Variants in SLC26A1 observed in about 807,000 individuals in gnomAD.
SLC26A1 encodes solute carrier family 26 member 1, also known as sulfate anion transporter 1.
SLC26A1 carries 18 observed loss-of-function variants against 14.5 expected under a neutral mutation model. That is an observed-to-expected ratio of 1.24 (90% CI 0.86 to 1.84). The LOEUF (loss-of-function observed/expected upper bound fraction) is 1.84. Among genes scored for constraint, SLC26A1 ranks in the 40% most tolerant of loss-of-function variants. The probability of loss-of-function intolerance (pLI) is 0.00; values close to 1 mark genes in which losing one functional copy is unlikely to be tolerated. For synonymous variants in SLC26A1, 505 were observed against 492.0 expected (o/e 1.03, Z -0.35); for missense variants, 1,049 against 1,020.0 (o/e 1.03, Z -0.39).
chr4:982,039 T>A lies in SLC26A1; in HGVS notation c.577-2535A>T, dbSNP rs538014974. On this transcript the variant is annotated intron_variant, in intron 2 of 2. Coordinates refer to the SLC26A1 transcript ENST00000398520. Reference sequence around the variant, plus strand: ...TTTCACCGTGTTAGCCAGGATGGTCTCTATCTCCTGACCTCATGATCCGCC... The same window carrying A: ...TTTCACCGTGTTAGCCAGGATGGTCACTATCTCCTGACCTCATGATCCGCC... Among the ~76,000 whole-genome samples, 4 of 152,222 alleles carry A rather than the reference T, an allele frequency of 2.6e-5. No individual in the cohort carries two copies. The South Asian group carries it at 8.3e-4, about 32-fold the overall frequency.
Position 989,748 on chromosome 4 carries a change from G to A in SLC26A1, c.1191C>T (p.Ala397=), listed in dbSNP as rs748168266. The change falls in exon 3 of 3, where the codon GCC becomes GCT. Residue 397 remains alanine, a synonymous_variant. Coordinates refer to ENST00000398516, the MANE Select transcript of SLC26A1 (RefSeq NM_022042.4). ...TCTTCACCAGGCTCTTGGCCAGGGC[G>A]GCGCTGGTGGCGAAGCAGTGGAGGA... ...PAFLHCFATS[A]ALAKSLVKTA... 1.3e-5 allele frequency: 21 copies of A among 1,556,272 alleles called. No individual in the cohort carries two copies. In the South Asian group the frequency reaches 1.8e-4, roughly 13 times the overall value.
downstream of SLC26A1, chr4:987,225 G>A (rs1713799895): frequency 6.7e-7 from 1 of 1,502,466 alleles, no homozygotes; most frequent in Non-Finnish European, 8.8e-7. Flanking sequence ...GGCGCTTCTG[G>A]AGGAGCACAG....
rs773560134 is a variant in SLC26A1, at chr4:989,345, C to T, written c.1594G>A (p.Val532Ile). Residue 532 changes from valine (V) to isoleucine (I), a missense_variant, in exon 3 of 3, where the codon GTC (valine) becomes ATC (isoleucine). Val to Ile is a conservative substitution (Grantham distance 29). Coordinates refer to ENST00000398516, the MANE Select transcript of SLC26A1 (RefSeq NM_022042.4). ...YEDATEFEGL[V>I]PEPGVRVFRF... ...AACACCCGCACGCCGGGCTCAGGGACGAGGCCCTCGAACTCTGTGGCATCC... is the reference window on the plus strand; with the variant it reads ...AACACCCGCACGCCGGGCTCAGGGATGAGGCCCTCGAACTCTGTGGCATCC... 3.9e-5 allele frequency: 62 copies of T among 1,599,660 alleles called. No homozygotes were observed. Among genetic ancestry groups the T allele is most frequent in the East Asian group, 1.8e-4 (8 of 44,142 alleles).
chr4:992,147 A>G, intron 1 of SLC26A1: 1 of 473,826 alleles, frequency 2.1e-6, no homozygotes, highest in Non-Finnish European at 4.2e-6. Context: ...ACATGTGCCT[A>G]CCGTCAGAAT....
rs889471204 is a variant in SLC26A1, at chr4:980,571, A to G, written c.577-1067T>C. ...ACTGCACTCCAGCCTGGGCAACAAG[A>G]GCGAAACTCCATCTCAAAAAAAAAA... On this transcript the variant is annotated intron_variant, in intron 2 of 2. Coordinates refer to the SLC26A1 transcript ENST00000398520. Among the ~76,000 whole-genome samples the G allele has an allele frequency of 2.7e-5, 4 of 148,056 alleles. No homozygotes were observed. In the Admixed American group the frequency reaches 2.7e-4, roughly 10 times the overall value.
downstream of SLC26A1, chr4:987,303 G>T (rs1713809641): frequency 2.1e-6 from 3 of 1,431,852 alleles, no homozygotes; most frequent in Admixed American, 4.1e-5. Context: ...GGCGCCCCCT[G>T]ACTGCGCACT....
downstream of SLC26A1, chr4:987,394 G>C (rs1313251980): frequency 4.7e-6 from 4 of 852,466 alleles, no homozygotes; most frequent in Non-Finnish European, 6.8e-6. Context: ...TTGTGGGTGG[G>C]TCCTCCACCT....
exon 3 of SLC26A1, chr4:979,485 C>G: frequency 6.2e-7 from 1 of 1,613,912 alleles, no homozygotes; most frequent in Non-Finnish European, 8.5e-7. Context: ...TTGCTGGAAG[C>G]TGTTTCTACC....
chr4:984,902 C>T (rs1039340533), downstream of SLC26A1, among the ~76,000 whole-genome samples: 2 of 152,020 alleles, frequency 1.3e-5, no homozygotes, highest in Non-Finnish European at 2.9e-5. Context: ...GTGAATGTCC[C>T]CATCATGCAC....
In SLC26A1 at chr4:987,890, C is replaced by G. The variant is rs373277285; in HGVS notation, c.*943G>C. ...TCAACCTCGCCTATGTGGGCGCCGT[C>G]CCTCACCGCGGCATCAAGCAGGTCC... is the stretch of plus-strand genomic sequence containing the variant. On this transcript the variant is annotated 3_prime_UTR_variant, in exon 3 of 3. Transcript: ENST00000398516. 23 of 1,610,610 alleles carry G rather than the reference C, an allele frequency of 1.4e-5. No homozygotes were observed. In the African/African-American group the frequency reaches 3.1e-4, roughly 21 times the overall value.
At chr4:991,033 A>T in intron 2 of SLC26A1, 95 bp downstream of exon 2, 1 of 1,283,758 alleles carries the variant, frequency 7.8e-7, no homozygotes, top group Non-Finnish European at 1.1e-6. Flanking sequence ...TCCTCTGCCA[A>T]CCCTGTGCTT....
At chr4:985,092 C>G (rs1248544576), downstream of SLC26A1, among the ~76,000 whole-genome samples, 1 of 152,242 alleles carries the variant, frequency 6.6e-6, no homozygotes, top group Non-Finnish European at 1.5e-5. Context: ...TGGCTTCAGT[C>G]CCCACAAAGA....
chr4:986,992 C>T (rs1713764831), downstream of SLC26A1: 124 of 1,151,412 alleles, frequency 1.1e-4, 1 homozygote, highest in South Asian at 1.6e-3. Flanking sequence ...CGCCCCGCGG[C>T]GGCGGTCACA....
rs188206467 is a variant in SLC26A1, at chr4:988,177, G to T, written c.*656C>A. On this transcript the variant is annotated 3_prime_UTR_variant, in exon 3 of 3. Coordinates refer to ENST00000398516, the MANE Select transcript of SLC26A1 (RefSeq NM_022042.4). ...CCTGCAGGTCTCCCTGCAGGCTCAG[G>T]GTTGGCTGCGCCGCACCTGGCTCCT... 47 of 1,383,706 alleles carry T rather than the reference G, an allele frequency of 3.4e-5. No individual in the cohort carries two copies. In the East Asian group the frequency reaches 1.2e-3, roughly 35 times the overall value. The allele number at this position is 1,383,706 out of a possible 1,614,324, so 85.7% of individuals were successfully genotyped here.
rs1172176895 is a variant in SLC26A1, at chr4:989,613, C to A, written c.1326G>T (p.Leu442=). 2 of 1,602,004 alleles carry A rather than the reference C, an allele frequency of 1.2e-6. No individual in the cohort carries two copies. The highest frequency in any genetic ancestry group is 1.7e-6 in the Non-Finnish European group (2 of 1,175,808). The part of the protein sequence containing the change: ...PLFHDLQRSV[L]ACVIVVSLRG... ...GCAGGCTGACCACGATGACGCAGGC[C>A]AGCACGCTTCGCTGTAGGTCGTGGA... The change falls in exon 3 of 3, where the codon CTG becomes CTT. Residue 442 remains leucine (L), a synonymous_variant. Coordinates refer to ENST00000398516, the MANE Select transcript of SLC26A1 (RefSeq NM_022042.4).
Position 988,626 on chromosome 4 carries a change from G to C in SLC26A1, c.*207C>G. 1 of 1,383,144 alleles carries C rather than the reference G, an allele frequency of 7.2e-7. No individual in the cohort carries two copies. The allele number at this position is 1,383,144 out of a possible 1,614,324, so 85.7% of individuals were successfully genotyped here. ...GGGCCAGCCTGTCTCGGAGGCAGAG[G>C]TTCTTGATTTCTGAGTGTTTGGGTC... On this transcript the variant is annotated 3_prime_UTR_variant, in exon 3 of 3. Coordinates refer to ENST00000398516, the MANE Select transcript of SLC26A1 (RefSeq NM_022042.4).
At position 991,985 on chromosome 4, in the gene SLC26A1, G is replaced by A. The variant is rs536831409; in HGVS notation, c.-27-255C>T. Reference sequence around the variant, plus strand: ...CCAAGCCCATGCCATGGGGTGTGCTGAGGCCAGCAGTGCTGAGGGGCGGCG... The same window carrying A: ...CCAAGCCCATGCCATGGGGTGTGCTAAGGCCAGCAGTGCTGAGGGGCGGCG... On this transcript the variant is annotated intron_variant, in intron 1 of 2. Coordinates refer to ENST00000398516, the MANE Select transcript of SLC26A1 (RefSeq NM_022042.4). 36 of 708,736 alleles carry A rather than the reference G, an allele frequency of 5.1e-5. 1 individual carries two copies. In the South Asian group the frequency reaches 5.4e-4, roughly 11 times the overall value. 43.9% of individuals were successfully genotyped at this position (708,736 alleles called of 1,614,324 possible).
At chr4:982,425 C>T (rs1339258114) in intron 2 of SLC26A1, among the ~76,000 whole-genome samples, 2 of 152,192 alleles carry the variant, frequency 1.3e-5, no homozygotes, top group African/African-American at 4.8e-5. Flanking sequence ...CCTGGCAAGC[C>T]CTGTGGGACC....
rs747383399 is a variant in SLC26A1, at chr4:989,274, CAGGA to C, written c.1661_1664del (p.Phe554CysfsTer68). 37 of 1,612,602 alleles carry C rather than the reference CAGGA, an allele frequency of 2.3e-5. No individual in the cohort carries two copies. The highest frequency in any genetic ancestry group is 3.1e-5 in the Non-Finnish European group (36 of 1,179,876). On this transcript the variant is annotated frameshift_variant, in exon 3 of 3. Coordinates refer to ENST00000398516, the MANE Select transcript of SLC26A1 (RefSeq NM_022042.4). LOFTEE classifies it low-confidence loss of function (END_TRUNC). Reference sequence around the variant, plus strand: ...GCCCCGTGAGGCTGTAGAGTGACTGCAGGAAGAAGTCCTTGTTGGCATAGTACAG... The same window carrying C: ...GCCCCGTGAGGCTGTAGAGTGACTGCAGAAGTCCTTGTTGGCATAGTACAG...
Sources: allele counts gnomAD v4.1 joint callset (sites outside exome capture counted in the v4.1 genomes callset), GRCh38; gene constraint gnomAD v4.1.1; transcripts MANE v1.5; gene names NCBI Gene and HGNC (gene_info 2026-07-23, HGNC 2026-07-21).